The following CDK4 variants were observed in gnomAD, a reference collection of about 807,000 sequenced individuals.
CDK4 encodes cyclin-dependent kinase 4.
In CDK4, 13 loss-of-function variants were observed where a neutral mutation model predicts 36.7. That is an observed-to-expected ratio of 0.35 (90% CI 0.23 to 0.56). The LOEUF (loss-of-function observed/expected upper bound fraction) is 0.56. CDK4 is among the 20% of genes least tolerant of loss of function. The pLI is 0.85. For synonymous variants in CDK4, 158 were observed against 146.4 expected, an observed-to-expected ratio of 1.08 and a Z score of -0.57; for missense variants, 285 against 387.3, an observed-to-expected ratio of 0.74 and a Z score of 2.22.
chr12:57,750,557 C>A (rs1451484343), intron 5 of CDK4, 99 bp downstream of exon 5: 1 of 852,554 alleles, frequency 1.2e-6, no homozygotes, highest in South Asian at 1.3e-5. Flanking sequence ...ACACAGCAAG[C>A]CCTGGTCTCA....
At chr12:57,749,794 C>G (rs1955210907) in intron 5 of CDK4, 1 of 469,530 alleles carries the variant, frequency 2.1e-6, no homozygotes, top group African/African-American at 2.0e-5. Context: ...GTCAAGAGAT[C>G]GAGACCATCC....
Position 57,751,399 on chromosome 12 carries a change from TATTTC to T in CDK4, c.219-62_219-58del. On this transcript the variant is annotated intron_variant, in intron 2 of 7. Coordinates refer to ENST00000257904, the MANE Select transcript of CDK4 (RefSeq NM_000075.4). This position sits in a 1 kb window ranked among gnomAD's most constrained non-coding sequence, Gnocchi z 4.5. ...CCTTTAACCCAACATGGCCTCTCAT[TATTTC>T]CTCAGGGTCCCCACTTCTCTACAGA... is the stretch of plus-strand genomic sequence containing the variant. The T allele has an allele frequency of 1.9e-6, 3 of 1,613,608 alleles. No homozygotes were observed. In the South Asian group the frequency reaches 3.3e-5, roughly 18 times the overall value.
chr12:57,748,994 C>G, intron 7 of CDK4, 188 bp downstream of exon 7: 3 of 756,858 alleles, frequency 4.0e-6, no homozygotes, highest in Non-Finnish European at 6.6e-6. Context: ...GCGTGAGCCA[C>G]CGTGCCCAGC....
At position 57,748,560 on chromosome 12, in the gene CDK4, A is replaced by G. The variant is rs2140381081; in HGVS notation, c.877T>C (p.Ser293Pro). The G allele has an allele frequency of 1.9e-6, 3 of 1,613,882 alleles. No homozygotes were observed. Among genetic ancestry groups the G allele is most frequent in the South Asian group, 1.1e-5 (1 of 91,068 alleles). The change falls in exon 8 of 8, where the codon TCT becomes CCT. Residue 293 changes from serine (S) to proline (P), a missense_variant. By Grantham distance (74) the Ser-to-Pro change is moderately conservative. Coordinates refer to ENST00000257904, the MANE Select transcript of CDK4 (RefSeq NM_000075.4). ...TTACCTTCATCCTTATGTAGATAAGAGTGCTGCAGAGCTCGAAAGGCAGAG... is the reference window on the plus strand; with the variant it reads ...TTACCTTCATCCTTATGTAGATAAGGGTGCTGCAGAGCTCGAAAGGCAGAG... ...RISAFRALQH[S>P]YLHKDEGNPE
Position 57,748,708 on chromosome 12 carries a change from C to CTTCT in CDK4, c.820-92_820-91insAGAA, listed in dbSNP as rs1555201052. ...CCTGGGATGAGCTTTCTTCTTTTTT[C>CTTCT]TTTTTTTTTTTTTTTGAGACGGAGT... is the stretch of plus-strand genomic sequence containing the variant. On this transcript the variant is annotated intron_variant, in intron 7 of 7. Coordinates refer to ENST00000257904, the MANE Select transcript of CDK4 (RefSeq NM_000075.4). The CTTCT allele has an allele frequency of 5.9e-3, 4,100 of 692,524 alleles. 23 individuals carry two copies. Among genetic ancestry groups the CTTCT allele is most frequent in the South Asian group, 0.044 (2,778 of 63,274 alleles). The allele number at this position is 692,524 out of a possible 1,614,324, so 42.9% of individuals were successfully genotyped here.
At position 57,748,542 on chromosome 12, in the gene CDK4, C is replaced by A. The variant is rs1161260206; in HGVS notation, c.895G>T (p.Glu299Ter). The change falls in exon 8 of 8, where the codon GAA becomes TAA. Residue 299 changes from glutamate (E) to a stop codon, truncating the protein, a stop_gained. Coordinates refer to ENST00000257904, the MANE Select transcript of CDK4 (RefSeq NM_000075.4). LOFTEE classifies it high-confidence loss of function. ...ALQHSYLHKD[E>*]GNPE ...TCCATTGCTCACTCCGGATTACCTT[C>A]ATCCTTATGTAGATAAGAGTGCTGC... 2 of 1,613,098 alleles carry A rather than the reference C, an allele frequency of 1.2e-6. No individual in the cohort carries two copies. Among genetic ancestry groups the A allele is most frequent in the South Asian group, 1.1e-5 (1 of 91,044 alleles).
rs1060501931 is a variant in CDK4, at chr12:57,751,214, G to C, written c.347C>G (p.Thr116Arg). The C allele has an allele frequency of 6.2e-7, 1 of 1,614,160 alleles. No homozygotes were observed. The highest frequency in any genetic ancestry group is 2.2e-5 in the East Asian group (1 of 44,870). The part of the protein sequence containing the change: ...KAPPPGLPAE[T>R]IKDLMRQFLR... ...CCTACCAACCCCACTCACCTTGATC[G>C]TTTCGGCTGGCAAGCCTGGTGGGGG... The change falls in exon 3 of 8, where the codon ACG (threonine) becomes AGG (arginine). Residue 116 changes from threonine to arginine, a missense_variant. By Grantham distance (71) the Thr-to-Arg change is moderately conservative. Transcript: ENST00000257904. The surrounding 1 kb of genome is among the most constrained non-coding windows in gnomAD (Gnocchi z 4.5).
rs536947498 is a variant in CDK4, at chr12:57,750,280, G to A, written c.632+376C>T. 6 of 285,560 alleles carry A rather than the reference G, an allele frequency of 2.1e-5. No homozygotes were observed. The East Asian group carries it at 4.9e-4, about 24-fold the overall frequency. 17.7% of individuals were successfully genotyped at this position (285,560 alleles called of 1,614,324 possible). Reference sequence around the variant, plus strand: ...TCTGCTATGGGCAAGTTAGTAGTACGCAAGTAAAAGAATGGGGCCAGATGC... The same window carrying A: ...TCTGCTATGGGCAAGTTAGTAGTACACAAGTAAAAGAATGGGGCCAGATGC... On this transcript the variant is annotated intron_variant, in intron 5 of 7. Coordinates refer to ENST00000257904, the MANE Select transcript of CDK4 (RefSeq NM_000075.4).
Position 57,748,610 on chromosome 12 carries a change from A to G in CDK4, c.827T>C (p.Leu276Pro). ...GATTCGCTTGTGTGGGTTAAAAGTCAGCATTTCCTGAGGGGAGAGGCAAAG... is the reference window on the plus strand; with the variant it reads ...GATTCGCTTGTGTGGGTTAAAAGTCGGCATTTCCTGAGGGGAGAGGCAAAG... The part of the protein sequence containing the change: ...ESGAQLLLEM[L>P]TFNPHKRISA... The change falls in exon 8 of 8, where the codon CTG becomes CCG. Residue 276 changes from leucine (L) to proline (P), a missense_variant. Leu to Pro is a moderately conservative substitution (Grantham distance 98). Coordinates refer to ENST00000257904, the MANE Select transcript of CDK4 (RefSeq NM_000075.4). 1 of 1,613,146 alleles carries G rather than the reference A, an allele frequency of 6.2e-7. No homozygotes were observed. The highest frequency in any genetic ancestry group is 1.1e-5 in the South Asian group (1 of 91,068).
rs893830849 is a variant in CDK4, at chr12:57,751,821, A to G, written c.-19-85T>C. The G allele has an allele frequency of 1.0e-6, 1 of 978,854 alleles. No individual in the cohort carries two copies. Among genetic ancestry groups the G allele is most frequent in the Admixed American group, 2.0e-5 (1 of 48,898 alleles). The allele number at this position is 978,854 out of a possible 1,614,324, so 60.6% of individuals were successfully genotyped here. On this transcript the variant is annotated intron_variant, in intron 1 of 7. Coordinates refer to ENST00000257904, the MANE Select transcript of CDK4 (RefSeq NM_000075.4). The surrounding 1 kb of genome is among the most constrained non-coding windows in gnomAD (Gnocchi z 4.5). The stretch of plus-strand genomic sequence containing the variant: ...GCAGCAACAAAGGGACTCCCAAAAA[A>G]AAAGCGCAAAGAACACCACCAGCAT...
chr12:57,751,307 C>T lies in CDK4; in HGVS notation c.254G>A (p.Arg85Gln), dbSNP rs587778184. ...AAACACCAGGGTTACCTTGATCTCC[C>T]GGTCAGTTCGGGATGTGGCACAGAC... ...MDVCATSRTDREIKVTLVFEH... is the reference protein window; with the variant it reads ...MDVCATSRTDQEIKVTLVFEH... The change falls in exon 3 of 8, where the codon CGG (arginine) becomes CAG (glutamine). Residue 85 changes from arginine to glutamine, a missense_variant. Physicochemically the swap from Arg to Gln is conservative, Grantham distance 43. Transcript: ENST00000257904. This position sits in a 1 kb window ranked among gnomAD's most constrained non-coding sequence, Gnocchi z 4.5. 5 of 1,614,150 alleles carry T rather than the reference C, an allele frequency of 3.1e-6. No individual in the cohort carries two copies. The highest frequency in any genetic ancestry group is 1.6e-4 in the Middle Eastern group (1 of 6,062).
At chr12:57,748,708 C>CTT (rs545773931) in intron 7 of CDK4, 91 bp from the exon 8 acceptor site, 824 of 691,568 alleles carry the variant, frequency 1.2e-3, no homozygotes, top group East Asian at 1.7e-3. Flanking sequence ...CTTCTTTTTT[C>CTT]TTTTTTTTTT....
chr12:57,749,408 G>C (rs756523031), intron 6 of CDK4, 46 bp downstream of exon 6: 4 of 1,613,292 alleles, frequency 2.5e-6, no homozygotes, highest in African/African-American at 1.3e-5. Flanking sequence ...TCAGCAGAAA[G>C]AGGACTCAGA....
At chr12:57,750,827 G>T in intron 4 of CDK4, 62 bp from the exon 5 acceptor site, 1 of 1,589,580 alleles carries the variant, frequency 6.3e-7, no homozygotes, top group South Asian at 1.1e-5. Flanking sequence ...CAACTTGCTT[G>T]ACTGAACACA....
In CDK4 at chr12:57,750,995, A is replaced by G. The variant is rs1160650907; in HGVS notation, c.450T>C (p.Ser150=). ...AGTCAGCCAGCTTGACTGTTCCACCACTTGTCACCAGAATGTTCTCTGGCT... is the reference window on the plus strand; with the variant it reads ...AGTCAGCCAGCTTGACTGTTCCACCGCTTGTCACCAGAATGTTCTCTGGCT... ...DLKPENILVT[S]GGTVKLADFG... The change falls in exon 4 of 8, where the codon AGT becomes AGC. Residue 150 remains serine, a synonymous_variant. Coordinates refer to ENST00000257904, the MANE Select transcript of CDK4 (RefSeq NM_000075.4). 1 of 1,613,838 alleles carries G rather than the reference A, an allele frequency of 6.2e-7. No homozygotes were observed. Among genetic ancestry groups the G allele is most frequent in the Admixed American group, 1.7e-5 (1 of 60,000 alleles).
At chr12:57,750,534 T>G (rs1253702420) in intron 5 of CDK4, 122 bp downstream of exon 5, 1 of 774,514 alleles carries the variant, frequency 1.3e-6, no homozygotes, top group Non-Finnish European at 2.3e-6. Context: ...GCCATTGCAA[T>G]CCAGCCTGGG....
At position 57,751,200 on chromosome 12, in the gene CDK4, C is replaced by G. The variant is rs779357353; in HGVS notation, c.354+7G>C. On this transcript the variant is annotated splice_region_variant and intron_variant, in intron 3 of 7. Transcript: ENST00000257904. This position sits in a 1 kb window ranked among gnomAD's most constrained non-coding sequence, Gnocchi z 4.5. ...TCCACCTCTCAATGCCTACCAACCC[C>G]ACTCACCTTGATCGTTTCGGCTGGC... 6.2e-7 allele frequency: 1 copy of G among 1,614,170 alleles called. No individual in the cohort carries two copies. The highest frequency in any genetic ancestry group is 8.5e-7 in the Non-Finnish European group (1 of 1,180,028).
intron 6 of CDK4, 41 bp downstream of exon 6, chr12:57,749,413 C>G (rs775105319): frequency 3.7e-6 from 6 of 1,613,394 alleles, no homozygotes; most frequent in Non-Finnish European, 4.2e-6. Context: ...AGAAAGAGGA[C>G]TCAGAATAGA....
chr12:57,748,714 T>TC, intron 7 of CDK4, 97 bp from the exon 8 acceptor site: 1 of 884,288 alleles, frequency 1.1e-6, no homozygotes. Flanking sequence ...TTTTCTTTTT[T>TC]TTTTTTTTTG....
Sources: allele counts gnomAD v4.1 joint callset, GRCh38; gene constraint gnomAD v4.1.1; non-coding constraint Gnocchi (gnomAD v3.1); transcripts MANE v1.5; gene names NCBI Gene and HGNC (gene_info 2026-07-23, HGNC 2026-07-21).